Variants in DLG2 observed in about 807,000 individuals in gnomAD.
DLG2 encodes the protein disks large homolog 2.
DLG2 carries 45 observed loss-of-function variants against 132.5 expected under a neutral mutation model. The observed-to-expected ratio is 0.34, with a 90% confidence interval of 0.27 to 0.44. The LOEUF is 0.44. DLG2 is among the 20% of genes least tolerant of loss of function. The probability of loss-of-function intolerance (pLI) is 1.00; values close to 1 mark genes in which losing one functional copy is unlikely to be tolerated. For synonymous variants in DLG2, 424 were observed against 419.6 expected, an observed-to-expected ratio of 1.01 and a Z score of -0.13; for missense variants, 1,045 against 1,196.9, an observed-to-expected ratio of 0.87 and a Z score of 1.87.
intron 14 of DLG2, among the ~76,000 whole-genome samples, chr11:83,938,286 A>G (rs1452396505): frequency 1.3e-5 from 2 of 152,194 alleles, no homozygotes; most frequent in Admixed American, 6.5e-5. Flanking sequence ...TCAGAGAGAG[A>G]CTGAGCTAAG....
chr11:83,467,167 A>G (rs991693588), intron 25 of DLG2, among the ~76,000 whole-genome samples: 6 of 152,146 alleles, frequency 3.9e-5, no homozygotes, highest in East Asian at 1.9e-4. Flanking sequence ...TCTGAACACA[A>G]TTGTCAGAAG....
At chr11:84,145,846 C>T (rs1242686196) in intron 9 of DLG2, among the ~76,000 whole-genome samples, 1 of 152,176 alleles carries the variant, frequency 6.6e-6, no homozygotes, top group Non-Finnish European at 1.5e-5. Context: ...ATTCATCTAA[C>T]TCAGCCCTTT....
intron 7 of DLG2, among the ~76,000 whole-genome samples, chr11:84,455,798 G>A (rs185724471): frequency 6.6e-6 from 1 of 151,414 alleles, no homozygotes; most frequent in African/African-American, 2.4e-5. Flanking sequence ...AGGAACATTT[G>A]GGAATTCAAC....
intron 4 of DLG2, among the ~76,000 whole-genome samples, chr11:85,232,075 A>G (rs1169953821): frequency 6.6e-6 from 1 of 151,834 alleles, no homozygotes; most frequent in African/African-American, 2.4e-5. Context: ...TGTAAGAGCC[A>G]ATATTTCTTT....
chr11:83,791,247 T>C (rs1471325349), intron 17 of DLG2: 2 of 664,046 alleles, frequency 3.0e-6, no homozygotes, highest in African/African-American at 1.8e-5. Flanking sequence ...CTATCGGTGC[T>C]GAGGAGGAGG....
chr11:83,749,233 CT>C (rs1487374151), intron 18 of DLG2, among the ~76,000 whole-genome samples: 2 of 152,142 alleles, frequency 1.3e-5, no homozygotes, highest in Admixed American at 6.5e-5. Context: ...GAGAGGCAAC[CT>C]TTTTGCCTTT....
At chr11:85,461,020 G>C (rs968331715) in intron 3 of DLG2, among the ~76,000 whole-genome samples, 8 of 152,124 alleles carry the variant, frequency 5.3e-5, no homozygotes, top group Admixed American at 1.3e-4. Context: ...ATTTCTCAAA[G>C]AACCACTGCA....
intron 8 of DLG2, among the ~76,000 whole-genome samples, chr11:84,205,968 T>C (rs948788972): frequency 2.6e-5 from 4 of 152,038 alleles, no homozygotes; most frequent in African/African-American, 4.8e-5. Context: ...ACAGATGGCA[T>C]CAATTCCAAT....
Position 83,875,239 on chromosome 11 carries a change from A to G in DLG2, c.1497-751T>C, listed in dbSNP as rs568931574. On this transcript the variant is annotated intron_variant, in intron 15 of 27. Coordinates refer to ENST00000376104, the MANE Select transcript of DLG2 (RefSeq NM_001142699.3). Reference sequence around the variant, plus strand: ...TTCTAGATTTTGATTACCTGTAACAAGAAAAGACTGATTTTGTAGATAAGT... The same window carrying G: ...TTCTAGATTTTGATTACCTGTAACAGGAAAAGACTGATTTTGTAGATAAGT... Among the ~76,000 whole-genome samples, 6 of 152,300 alleles carry G rather than the reference A, an allele frequency of 3.9e-5. No homozygotes were observed. The East Asian group carries it at 1.2e-3, about 29-fold the overall frequency.
At chr11:84,681,403 A>T (rs1595645984) in intron 6 of DLG2, among the ~76,000 whole-genome samples, 1 of 152,326 alleles carries the variant, frequency 6.6e-6, no homozygotes, top group African/African-American at 2.4e-5. Context: ...AAGGCCACAA[A>T]TCTACTAACC....
In DLG2 at chr11:85,220,637, A is replaced by AAAAAAATAT. The variant is rs371263007; in HGVS notation, c.186+64582_186+64583insATATTTTTT. 5.9e-3 allele frequency among the ~76,000 whole-genome samples: 876 copies of AAAAAAATAT among 148,238 alleles called. 24 individuals are homozygous for AAAAAAATAT. The highest frequency in any genetic ancestry group is 0.041 in the East Asian group (208 of 5,036). On this transcript the variant is annotated intron_variant, in intron 4 of 27. Coordinates refer to ENST00000376104, the MANE Select transcript of DLG2 (RefSeq NM_001142699.3). ...GTTTATTATATCAAATAGAAAAAAA[A>AAAAAAATAT]ATATATATATATATATAACTTTATT...
intron 15 of DLG2, among the ~76,000 whole-genome samples, chr11:83,924,122 G>C (rs902533662): frequency 6.6e-6 from 1 of 152,012 alleles, no homozygotes; most frequent in Non-Finnish European, 1.5e-5. Context: ...GATAAGCTCA[G>C]TGTCTTCATG....
chr11:85,176,832 A>G (rs1377382291), intron 4 of DLG2, among the ~76,000 whole-genome samples: 1 of 152,220 alleles, frequency 6.6e-6, no homozygotes, highest in Non-Finnish European at 1.5e-5. Flanking sequence ...GAAGGCATTC[A>G]TGCAGCCAAC....
intron 21 of DLG2, among the ~76,000 whole-genome samples, chr11:83,496,528 C>A (rs1442352878): frequency 6.6e-6 from 1 of 152,108 alleles, no homozygotes; most frequent in African/African-American, 2.4e-5. Flanking sequence ...ACAATTACCT[C>A]AAACTGGAAA....
chr11:85,338,489 T>G (rs2082275636), intron 3 of DLG2, among the ~76,000 whole-genome samples: 1 of 152,146 alleles, frequency 6.6e-6, no homozygotes, highest in Non-Finnish European at 1.5e-5. Flanking sequence ...TTCTTAGTAT[T>G]GATATTCCTT....
Position 84,718,423 on chromosome 11 carries a change from T to TA in DLG2, c.358-183693dup, listed in dbSNP as rs201378467. 3.3e-3 allele frequency among the ~76,000 whole-genome samples: 496 copies of TA among 148,542 alleles called. 5 individuals are homozygous for TA. Among genetic ancestry groups the TA allele is most frequent in the African/African-American group, 0.012 (470 of 40,706 alleles). On this transcript the variant is annotated intron_variant, in intron 6 of 27. Transcript: ENST00000376104. ...TTAAACTAATGTATTTCCTTAGCCT[T>TA]AAAAAAAAAAGTGTGTGCTTGAAAT... is the stretch of plus-strand genomic sequence containing the variant.
At chr11:85,612,167 C>T (rs1020153922) in intron 2 of DLG2, among the ~76,000 whole-genome samples, 1 of 152,210 alleles carries the variant, frequency 6.6e-6, no homozygotes. Flanking sequence ...CTCTGTAACC[C>T]TATATCACTC....
chr11:83,779,059 A>C (rs1236637483), intron 18 of DLG2, among the ~76,000 whole-genome samples: 2 of 152,142 alleles, frequency 1.3e-5, no homozygotes, highest in Non-Finnish European at 2.9e-5. Flanking sequence ...AGTTTTATTT[A>C]AGTTTCTTTC....
At chr11:85,434,408 A>T (rs538637426) in intron 3 of DLG2, among the ~76,000 whole-genome samples, 20 of 151,508 alleles carry the variant, frequency 1.3e-4, no homozygotes, top group East Asian at 7.8e-4. Flanking sequence ...AAAAATTTTA[A>T]AAAAAAAATA....
Sources: gnomAD v4.1 joint callset for allele counts (sites outside exome capture counted in the v4.1 genomes callset) on GRCh38, gnomAD v4.1.1 for gene constraint, MANE v1.5 for transcripts, NCBI Gene and HGNC (gene_info 2026-07-23, HGNC 2026-07-21) for gene names.